The following NCKAP1 variants were observed in gnomAD, a reference collection of about 807,000 sequenced individuals.
NCKAP1 encodes NCK associated protein 1, also known as nck-associated protein 1.
Under a neutral mutation model 151.2 loss-of-function variants are expected in NCKAP1, and 21 were observed. That is an observed-to-expected ratio of 0.14 (90% CI 0.10 to 0.20). The LOEUF (loss-of-function observed/expected upper bound fraction) is 0.20, where lower values mean the gene tolerates loss of function less well. NCKAP1 is among the 10% of genes least tolerant of loss of function. NCKAP1 has a pLI of 1.00. For missense variants in NCKAP1, 933 were observed against 1,352.1 expected (o/e 0.69, Z 4.86); for synonymous variants, 484 against 451.8 (o/e 1.07, Z -0.90).
rs573665693 is a variant in NCKAP1, at chr2:182,965,947, A to G, written c.1629-1139T>C. On this transcript the variant is annotated intron_variant, in intron 16 of 30. Transcript: ENST00000361354. ...AGTATACTTCCTAATGTGTTTCATT[A>G]TTTCCTTTAAGAGGCATGGTTTCTC... 3.3e-5 allele frequency among the ~76,000 whole-genome samples: 5 copies of G among 152,240 alleles called. No individual in the cohort carries two copies. In the East Asian group the frequency reaches 9.7e-4, roughly 29 times the overall value.
At chr2:182,966,335 G>C (rs1052203736) in intron 16 of NCKAP1, among the ~76,000 whole-genome samples, 9 of 151,892 alleles carry the variant, frequency 5.9e-5, no homozygotes, top group Non-Finnish European at 1.0e-4. Flanking sequence ...ACCGAGACTG[G>C]AGTGCAGTGG....
intron 18 of NCKAP1, among the ~76,000 whole-genome samples, chr2:182,958,135 G>A (rs540937758): frequency 2.7e-4 from 41 of 152,132 alleles, no homozygotes; most frequent in African/African-American, 9.9e-4. Flanking sequence ...ACAGCATGAG[G>A]AGACATTTTC....
At chr2:182,966,240 T>C (rs975960550) in intron 16 of NCKAP1, among the ~76,000 whole-genome samples, 33 of 152,232 alleles carry the variant, frequency 2.2e-4, no homozygotes, top group Non-Finnish European at 7.4e-5. Context: ...GTTGATATTA[T>C]ATAGCTTGAG....
intron 2 of NCKAP1, 72 bp from the exon 3 acceptor site, chr2:183,003,397 T>A: frequency 1.1e-6 from 1 of 901,470 alleles, no homozygotes; most frequent in East Asian, 2.5e-5. Flanking sequence ...AACTATCTTC[T>A]TTTATGACTG....
chr2:183,030,508 G>C (rs1698984530), intron 1 of NCKAP1, among the ~76,000 whole-genome samples: 1 of 152,226 alleles, frequency 6.6e-6, no homozygotes. Context: ...TCAGGAGTCA[G>C]AGTGAGAATG....
intron 2 of NCKAP1, among the ~76,000 whole-genome samples, chr2:183,010,470 A>T (rs1321457408): frequency 1.3e-5 from 2 of 152,246 alleles, no homozygotes; most frequent in Non-Finnish European, 2.9e-5. Context: ...CTACCCAGTC[A>T]ACCCACAGAA....
intron 8 of NCKAP1, among the ~76,000 whole-genome samples, chr2:182,990,262 T>G (rs184547561): frequency 2.2e-3 from 334 of 152,096 alleles, no homozygotes; most frequent in African/African-American, 7.4e-3. Context: ...GGTCTCAATC[T>G]TCTGGTCTCA....
chr2:182,943,004 C>G (rs1001698519), intron 23 of NCKAP1, among the ~76,000 whole-genome samples: 2 of 152,190 alleles, frequency 1.3e-5, no homozygotes, highest in Non-Finnish European at 2.9e-5. Context: ...ACCACTATCA[C>G]ACTTCCCAGT....
intron 1 of NCKAP1, among the ~76,000 whole-genome samples, chr2:183,035,631 C>A (rs986840536): frequency 2.0e-5 from 3 of 152,084 alleles, no homozygotes; most frequent in African/African-American, 7.2e-5. Context: ...GTGAACAGAT[C>A]TTACTCACTT....
intron 18 of NCKAP1, among the ~76,000 whole-genome samples, chr2:182,961,043 C>T (rs1367318712): frequency 1.3e-5 from 2 of 152,182 alleles, no homozygotes; most frequent in Non-Finnish European, 2.9e-5. Context: ...TACCATCTTA[C>T]ACCAGTTAGA....
At chr2:182,994,786 C>A (rs1698235756) in intron 8 of NCKAP1, 53 bp downstream of exon 8, 1 of 1,449,574 alleles carries the variant, frequency 6.9e-7, no homozygotes, top group Non-Finnish European at 9.7e-7. Context: ...TGCTATTTTT[C>A]TCTAAAACAT....
chr2:182,952,330 G>T, intron 23 of NCKAP1, 75 bp downstream of exon 23: 1 of 900,314 alleles, frequency 1.1e-6, no homozygotes, highest in Non-Finnish European at 1.7e-6. Flanking sequence ...AACATTGTAG[G>T]CTTGTTGCTC....
intron 8 of NCKAP1, among the ~76,000 whole-genome samples, chr2:182,990,392 A>G (rs1698143312): frequency 6.6e-6 from 1 of 152,170 alleles, no homozygotes; most frequent in Admixed American, 6.5e-5. Context: ...CTAAAATACT[A>G]TTAAAGTAAT....
chr2:182,916,160 G>C lies in NCKAP1; in HGVS notation c.*9542C>G, dbSNP rs1168645425. 3 of 85,764 alleles carry C rather than the reference G, an allele frequency of 3.5e-5. No individual in the cohort carries two copies. Among genetic ancestry groups the C allele is most frequent in the Admixed American group, 1.8e-4 (1 of 5,632 alleles). 5.3% of individuals were successfully genotyped at this position (85,764 alleles called of 1,614,324 possible). A position where few individuals can be genotyped will look rare whatever the true frequency, so the allele number is the denominator to read the frequency against. On this transcript the variant is annotated 3_prime_UTR_variant, in exon 31 of 31. Coordinates refer to ENST00000361354, the MANE Select transcript of NCKAP1 (RefSeq NM_013436.5). ...GTAAGAAGTACCTTGCTTCCCCTTC[G>C]CCTTCTGTCAAAAAAAAAAAAAAAA...
rs891300856 is a variant in NCKAP1 at position 182,942,070 on chromosome 2, A to G, written c.2695T>C (p.Ser899Pro). ...ATAAAAAGTATCATGAGTTACCCACATGATAATCTTTTAAACAGTGCAGCC... is the reference window on the plus strand; with the variant it reads ...ATAAAAAGTATCATGAGTTACCCACGTGATAATCTTTTAAACAGTGCAGCC... Reference protein sequence around the residue: ...QMAALFKRLSSVDSVLKRMTI... With the variant: ...QMAALFKRLSPVDSVLKRMTI... Residue 899 changes from serine to proline, a missense_variant and splice_region_variant, in exon 24 of 31, where the codon TCT becomes CCT. Transcript: ENST00000361354. 1 of 1,607,312 alleles carries G rather than the reference A, an allele frequency of 6.2e-7. No homozygotes were observed. Among genetic ancestry groups the G allele is most frequent in the Non-Finnish European group, 8.5e-7 (1 of 1,176,032 alleles).
rs1045108237 is a variant in NCKAP1, at chr2:182,925,070, T to C, written c.*632A>G. The C allele has an allele frequency of 6.6e-6, 1 of 152,144 alleles. No homozygotes were observed. Among genetic ancestry groups the C allele is most frequent in the Non-Finnish European group, 1.5e-5 (1 of 67,976 alleles). The allele number at this position is 152,144 out of a possible 1,614,324, so 9.4% of individuals were successfully genotyped here. A position where few individuals can be genotyped will look rare whatever the true frequency, so the allele number is the denominator to read the frequency against. Reference sequence around the variant, plus strand: ...AATGCCAACAGGGCACCATGGAAGTTAGTCTAAAAATTATCGCTAGGCTTT... The same window carrying C: ...AATGCCAACAGGGCACCATGGAAGTCAGTCTAAAAATTATCGCTAGGCTTT... On this transcript the variant is annotated 3_prime_UTR_variant, in exon 31 of 31. Coordinates refer to ENST00000361354, the MANE Select transcript of NCKAP1 (RefSeq NM_013436.5).
Position 182,984,839 on chromosome 2 carries a change from C to T in NCKAP1, c.1004+1332G>A, listed in dbSNP as rs1400673519. Among the ~76,000 whole-genome samples the T allele has an allele frequency of 4.6e-5, 7 of 152,096 alleles. 1 individual carries two copies. The South Asian group carries it at 6.2e-4, about 14-fold the overall frequency. ...GAAAATGTCTATAAAGTACTTGGGC[C>T]TGGCACATGGTAATGAGTCCTAGAA... is the stretch of plus-strand genomic sequence containing the variant. On this transcript the variant is annotated intron_variant, in intron 10 of 30. Transcript: ENST00000361354.
chr2:182,976,037 C>T (rs1011668880), intron 15 of NCKAP1, among the ~76,000 whole-genome samples: 4 of 152,028 alleles, frequency 2.6e-5, no homozygotes, highest in Non-Finnish European at 5.9e-5. Context: ...GTGAGTATTT[C>T]TGGAGAATGA....
At chr2:182,976,333 A>C (rs1309899875) in intron 15 of NCKAP1, among the ~76,000 whole-genome samples, 4 of 152,194 alleles carry the variant, frequency 2.6e-5, no homozygotes, top group Admixed American at 2.0e-4. Flanking sequence ...TTTTTCAGAA[A>C]ATGGAAGTTT....
Sources: gnomAD v4.1 joint callset for allele counts (sites outside exome capture counted in the v4.1 genomes callset) on GRCh38, gnomAD v4.1.1 for gene constraint, MANE v1.5 for transcripts, NCBI Gene and HGNC (gene_info 2026-07-23, HGNC 2026-07-21) for gene names.